Variants in PLPP1 observed in about 807,000 individuals in gnomAD.
PLPP1 encodes phospholipid phosphatase 1.
A neutral mutation model predicts 31.2 loss-of-function variants in PLPP1; 24 were observed. The observed-to-expected ratio is 0.77, with a 90% CI of 0.56 to 1.08. The LOEUF (loss-of-function observed/expected upper bound fraction) is 1.08. Among genes scored for constraint, PLPP1 ranks in the 50% least tolerant of loss-of-function variants. The probability of loss-of-function intolerance (pLI) is 0.00; values close to 1 mark genes in which losing one functional copy is unlikely to be tolerated. For missense variants in PLPP1, 319 were observed against 342.7 expected, an observed-to-expected ratio of 0.93 and a Z score of 0.55; for synonymous variants, 146 against 126.3, an observed-to-expected ratio of 1.16 and a Z score of -1.05.
chr5:55,428,926 T>C (rs1029562635), intron 4 of PLPP1, among the ~76,000 whole-genome samples: 1 of 152,156 alleles, frequency 6.6e-6, no homozygotes, highest in Non-Finnish European at 1.5e-5. Flanking sequence ...GCAGCAACAT[T>C]ATTACTTTTA....
At chr5:55,491,007 T>G in intron 1 of PLPP1, 1 of 1,613,404 alleles carries the variant, frequency 6.2e-7, no homozygotes, top group Non-Finnish European at 8.5e-7. Context: ...ACAGTGGATG[T>G]GACGGTACTG....
chr5:55,451,683 T>C (rs1008119285), intron 3 of PLPP1, among the ~76,000 whole-genome samples: 4 of 152,012 alleles, frequency 2.6e-5, no homozygotes, highest in Non-Finnish European at 5.9e-5. Context: ...TGCCTCAGCC[T>C]CCTGAGTAGC....
At chr5:55,515,639 T>C (rs1486058864) in intron 1 of PLPP1, among the ~76,000 whole-genome samples, 1 of 152,150 alleles carries the variant, frequency 6.6e-6, no homozygotes, top group Non-Finnish European at 1.5e-5. Flanking sequence ...GTCTTTATCT[T>C]GTTTGACCCT....
At chr5:55,533,557 T>C (rs1740759477) in intron 1 of PLPP1, among the ~76,000 whole-genome samples, 1 of 152,122 alleles carries the variant, frequency 6.6e-6, no homozygotes, top group Non-Finnish European at 1.5e-5. Flanking sequence ...CTCCTGTCAC[T>C]GAGAAACCAT....
chr5:55,534,331 T>C (rs1740798890), intron 1 of PLPP1, among the ~76,000 whole-genome samples: 1 of 152,092 alleles, frequency 6.6e-6, no homozygotes, highest in South Asian at 2.1e-4. Context: ...CGCAGAGGCG[T>C]GAACAGCGTC....
intron 1 of PLPP1, among the ~76,000 whole-genome samples, chr5:55,489,654 A>G (rs909475638): frequency 2.0e-5 from 3 of 152,314 alleles, no homozygotes; most frequent in Admixed American, 6.5e-5. Context: ...TACCAGACAA[A>G]AAGGCAAAAT....
chr5:55,496,096 G>T (rs142202622), intron 1 of PLPP1, among the ~76,000 whole-genome samples: 5 of 152,058 alleles, frequency 3.3e-5, no homozygotes, highest in Non-Finnish European at 5.9e-5. Flanking sequence ...GCCCTCAAGT[G>T]ATCCACCTGC....
At chr5:55,531,552 C>T (rs549155922) in intron 1 of PLPP1, among the ~76,000 whole-genome samples, 53 of 152,330 alleles carry the variant, frequency 3.5e-4, no homozygotes, top group African/African-American at 1.2e-3. Flanking sequence ...AAACCCTGCA[C>T]TTATGAAGTG....
rs775891601 is a variant in PLPP1 at position 55,490,991 on chromosome 5, A to G, written c.59-15541T>C. The G allele has an allele frequency of 1.9e-6, 3 of 1,613,114 alleles. No homozygotes were observed. In the Admixed American group the frequency reaches 5.0e-5, roughly 27 times the overall value. ...AATGGGCAAGCCAACCCCCACTAGGATGAGGACAGTGGATGTGACGGTACT... is the reference window on the plus strand; with the variant it reads ...AATGGGCAAGCCAACCCCCACTAGGGTGAGGACAGTGGATGTGACGGTACT... On this transcript the variant is annotated intron_variant, in intron 1 of 5. Coordinates refer to ENST00000307259, the MANE Select transcript of PLPP1 (RefSeq NM_003711.4).
chr5:55,481,403 C>T (rs189455603), intron 1 of PLPP1, among the ~76,000 whole-genome samples: 12 of 152,174 alleles, frequency 7.9e-5, no homozygotes, highest in East Asian at 1.9e-4. Flanking sequence ...TTCCATTGTA[C>T]GAATCTAAAA....
intron 1 of PLPP1, among the ~76,000 whole-genome samples, chr5:55,526,931 CAAAAAAAAA>C (rs34267008): frequency 3.7e-4 from 28 of 75,528 alleles, no homozygotes; most frequent in Admixed American, 1.4e-3. Flanking sequence ...GATTCCATCT[CAAAAAAAAA>C]AAAAAAAAAA....
chr5:55,468,885 C>A, intron 2 of PLPP1, among the ~76,000 whole-genome samples: 1 of 152,108 alleles, frequency 6.6e-6, no homozygotes, highest in East Asian at 1.9e-4. Context: ...CTGACAGAGG[C>A]TTCATTTTTC....
intron 1 of PLPP1, among the ~76,000 whole-genome samples, chr5:55,509,702 G>A (rs1753363168): frequency 6.6e-6 from 1 of 152,090 alleles, no homozygotes; most frequent in Admixed American, 6.6e-5. Context: ...CGAGCTATTA[G>A]GGCAAGTTAC....
chr5:55,450,590 G>A (rs564079205), intron 3 of PLPP1, among the ~76,000 whole-genome samples: 18 of 152,254 alleles, frequency 1.2e-4, no homozygotes, highest in East Asian at 3.9e-4. Context: ...AGGCTGTGAC[G>A]AAGGCTGCTG....
At chr5:55,441,142 G>A (rs200034971) in intron 4 of PLPP1, among the ~76,000 whole-genome samples, 2 of 152,286 alleles carry the variant, frequency 1.3e-5, no homozygotes, top group East Asian at 3.9e-4. Flanking sequence ...AATGTGTCCT[G>A]AAGCCTGGTC....
chr5:55,530,830 C>A, intron 1 of PLPP1: 1 of 1,273,474 alleles, frequency 7.9e-7, no homozygotes, highest in Non-Finnish European at 1.1e-6. Context: ...CACCTCCTGA[C>A]AGACGGGGCA....
chr5:55,480,838 GCTTAA>G (rs1007855736), intron 1 of PLPP1, among the ~76,000 whole-genome samples: 8 of 152,276 alleles, frequency 5.3e-5, no homozygotes, highest in African/African-American at 1.9e-4. Flanking sequence ...GTAAGTTGAT[GCTTAA>G]CTTTTTAAGA....
At chr5:55,532,839 C>T (rs902873691) in intron 1 of PLPP1, among the ~76,000 whole-genome samples, 1 of 151,878 alleles carries the variant, frequency 6.6e-6, no homozygotes, top group Non-Finnish European at 1.5e-5. Context: ...TGCTTGTAAT[C>T]CCAGCTACTC....
At chr5:55,475,475 TATC>T (rs1579950429) in intron 1 of PLPP1, 25 bp from the exon 2 acceptor site, 1 of 1,566,088 alleles carries the variant, frequency 6.4e-7, no homozygotes, top group Non-Finnish European at 8.7e-7. Flanking sequence ...TAAATGAAAA[TATC>T]ATTAAAAAAG....
Sources: allele counts gnomAD v4.1 joint callset (sites outside exome capture counted in the v4.1 genomes callset), GRCh38; gene constraint gnomAD v4.1.1; transcripts MANE v1.5; gene names NCBI Gene and HGNC (gene_info 2026-07-23, HGNC 2026-07-21).